Variants in HMGB1 observed in about 807,000 individuals in gnomAD.
HMGB1 encodes the protein high mobility group protein B1.
For missense variants in HMGB1, 79 were observed against 253.5 expected (o/e 0.31, Z 4.67); for synonymous variants, 81 against 84.0 (o/e 0.96, Z 0.19).
chr13:30,473,630 A>C (rs994520826), intron 1 of HMGB1, among the ~76,000 whole-genome samples: 1 of 152,230 alleles, frequency 6.6e-6, no homozygotes, highest in Non-Finnish European at 1.5e-5. Context: ...TGGAGAAAGA[A>C]ACTGGAACCC....
At chr13:30,543,904 T>A (rs1869028818) in intron 1 of HMGB1, among the ~76,000 whole-genome samples, 1 of 152,232 alleles carries the variant, frequency 6.6e-6, no homozygotes, top group East Asian at 1.9e-4. Flanking sequence ...AATTCAGGCA[T>A]AAAGGGTCTT....
intron 1 of HMGB1, among the ~76,000 whole-genome samples, chr13:30,513,698 C>T (rs147744512): frequency 1.3e-5 from 2 of 152,282 alleles, no homozygotes; most frequent in African/African-American, 2.4e-5. Context: ...GTTTTCTTGA[C>T]CCACTCTCTT....
At position 30,461,374 on chromosome 13, in the gene HMGB1, C is replaced by G; in HGVS notation, c.631G>C (p.Asp211His). Residue 211 changes from aspartate (D) to histidine (H), a missense_variant, in exon 5 of 5, where the codon GAT becomes CAT. Transcript: ENST00000341423. ...EDEEDEDEEE[D>H]DDDE ...GAACCAACTTATTCATCATCATCAT[C>G]TTCTTCTTCATCTTCATCTTCTTCA... 5 of 1,556,002 alleles carry G rather than the reference C, an allele frequency of 3.2e-6. No individual in the cohort carries two copies. Among genetic ancestry groups the G allele is most frequent in the Non-Finnish European group, 4.3e-6 (5 of 1,156,688 alleles).
At chr13:30,572,912 T>G (rs374591163) in intron 1 of HMGB1, among the ~76,000 whole-genome samples, 1 of 152,244 alleles carries the variant, frequency 6.6e-6, no homozygotes, top group Admixed American at 6.5e-5. Flanking sequence ...ACAAAACTCT[T>G]GAGTAGTTTG....
chr13:30,548,611 G>A (rs907999621), intron 1 of HMGB1, among the ~76,000 whole-genome samples: 1 of 152,090 alleles, frequency 6.6e-6, no homozygotes, highest in Admixed American at 6.6e-5. Flanking sequence ...AAGAGTATGC[G>A]GTTTGCAAAA....
intron 1 of HMGB1, among the ~76,000 whole-genome samples, chr13:30,604,853 T>C (rs1170854631): frequency 6.6e-6 from 1 of 152,116 alleles, no homozygotes; most frequent in Non-Finnish European, 1.5e-5. Context: ...ACAGACAGGG[T>C]TTCACCATGT....
intron 1 of HMGB1, among the ~76,000 whole-genome samples, chr13:30,590,397 A>G (rs1322822723): frequency 6.6e-6 from 1 of 152,152 alleles, no homozygotes; most frequent in Non-Finnish European, 1.5e-5. Flanking sequence ...ACGGCGTTTC[A>G]CCATGTTGCC....
At chr13:30,548,153 G>A (rs999370533) in intron 1 of HMGB1, among the ~76,000 whole-genome samples, 5 of 152,082 alleles carry the variant, frequency 3.3e-5, no homozygotes, top group South Asian at 2.1e-4. Context: ...TAATCCCCAC[G>A]TGTTGTGGGA....
At chr13:30,580,862 AT>A (rs1378326190) in intron 1 of HMGB1, among the ~76,000 whole-genome samples, 2 of 152,162 alleles carry the variant, frequency 1.3e-5, no homozygotes, top group African/African-American at 4.8e-5. Flanking sequence ...GTATTTTTCC[AT>A]GTAGCTAATC....
At chr13:30,482,804 T>C (rs1812772103) in intron 1 of HMGB1, among the ~76,000 whole-genome samples, 1 of 152,056 alleles carries the variant, frequency 6.6e-6, no homozygotes, top group African/African-American at 2.4e-5. Context: ...GTTGTTTAAA[T>C]AGAGACAGAG....
chr13:30,517,984 A>AGT (rs1384101585), intron 1 of HMGB1, among the ~76,000 whole-genome samples: 3 of 152,320 alleles, frequency 2.0e-5, no homozygotes, highest in South Asian at 2.1e-4. Context: ...GAGCTGGCCA[A>AGT]GTTGACTGTT....
intron 1 of HMGB1, among the ~76,000 whole-genome samples, chr13:30,551,737 G>T (rs1318322909): frequency 6.6e-6 from 1 of 152,116 alleles, no homozygotes; most frequent in African/African-American, 2.4e-5. Flanking sequence ...ACAGGGTCTT[G>T]CTCTGTTGCC....
intron 1 of HMGB1, among the ~76,000 whole-genome samples, chr13:30,525,556 GTTC>G (rs886370444): frequency 1.3e-5 from 2 of 152,122 alleles, no homozygotes; most frequent in African/African-American, 2.4e-5. Context: ...GAATATTGAG[GTTC>G]TTAATTATGT....
intron 1 of HMGB1, among the ~76,000 whole-genome samples, chr13:30,595,454 T>C (rs1020612779): frequency 3.3e-5 from 5 of 152,202 alleles, no homozygotes; most frequent in African/African-American, 1.2e-4. Context: ...AGTAAAAATC[T>C]AGTGGCAGAT....
chr13:30,567,183 T>A (rs911977864), intron 1 of HMGB1, among the ~76,000 whole-genome samples: 1 of 152,180 alleles, frequency 6.6e-6, no homozygotes, highest in African/African-American at 2.4e-5. Context: ...TGGTCACAAG[T>A]CAAACTACTG....
intron 1 of HMGB1, chr13:30,464,035 A>C (rs948348489): frequency 1.0e-5 from 9 of 900,576 alleles, no homozygotes; most frequent in Non-Finnish European, 1.2e-5. Context: ...ACACCATTTT[A>C]AACCAACCAA....
intron 1 of HMGB1, among the ~76,000 whole-genome samples, chr13:30,535,386 G>A (rs1394286769): frequency 6.6e-6 from 1 of 152,196 alleles, no homozygotes; most frequent in African/African-American, 2.4e-5. Flanking sequence ...AAAAAACTGT[G>A]TTTGCATATG....
intron 1 of HMGB1, among the ~76,000 whole-genome samples, chr13:30,579,158 T>C (rs1395264443): frequency 6.6e-6 from 1 of 152,250 alleles, no homozygotes; most frequent in Non-Finnish European, 1.5e-5. Flanking sequence ...TTAAATAAGT[T>C]AATGAACGGA....
At chr13:30,594,171 T>C (rs939853420) in intron 1 of HMGB1, among the ~76,000 whole-genome samples, 3 of 152,242 alleles carry the variant, frequency 2.0e-5, no homozygotes, top group African/African-American at 7.2e-5. Flanking sequence ...GCATAAGTGA[T>C]AAAGCAAATG....
Sources: allele counts gnomAD v4.1 joint callset (sites outside exome capture counted in the v4.1 genomes callset), GRCh38; gene constraint gnomAD v4.1.1; transcripts MANE v1.5; gene names NCBI Gene and HGNC (gene_info 2026-07-23, HGNC 2026-07-21).